Variants in CENPC observed in about 807,000 individuals in gnomAD.
CENPC encodes centromere protein C.
CENPC carries 63 observed loss-of-function variants against 112.1 expected under a neutral mutation model. The ratio of observed to expected loss-of-function variants is 0.56; its 90% CI spans 0.46 to 0.69. CENPC has a LOEUF of 0.69. Ranked by LOEUF, CENPC falls within the 30% of genes least tolerant of loss-of-function variation. The pLI is 0.00. For missense variants in CENPC, 1,000 were observed against 1,103.8 expected (o/e 0.91, Z 1.33); for synonymous variants, 333 against 367.6 (o/e 0.91, Z 1.08).
At chr4:67,544,539 T>TCTCC (rs1726974724) in intron 1 of CENPC, among the ~76,000 whole-genome samples, 3 of 152,182 alleles carry the variant, frequency 2.0e-5, no homozygotes, top group Non-Finnish European at 2.9e-5. Flanking sequence ...ATGTATAACG[T>TCTCC]CACATAATGG....
intron 5 of CENPC, among the ~76,000 whole-genome samples, chr4:67,521,686 T>C (rs574485343): frequency 3.9e-5 from 6 of 152,174 alleles, no homozygotes; most frequent in African/African-American, 1.2e-4. Context: ...CTAATATTCA[T>C]AGCAGCATTA....
chr4:67,478,629 A>AAC (rs200741539), intron 17 of CENPC, among the ~76,000 whole-genome samples: 23,975 of 81,710 alleles, frequency 0.29, 2,022 homozygotes, highest in Non-Finnish European at 0.37. Context: ...GGGTCTATAA[A>AAC]ACACACACAC....
chr4:67,505,340 G>T, intron 11 of CENPC, 56 bp from the exon 12 acceptor site: 9 of 1,020,730 alleles, frequency 8.8e-6, no homozygotes, highest in South Asian at 1.5e-5. Context: ...TATATCTAAT[G>T]TATTTGCCTT....
intron 15 of CENPC, 79 bp downstream of exon 15, chr4:67,492,790 T>A: frequency 5.7e-6 from 8 of 1,409,644 alleles, no homozygotes; most frequent in Non-Finnish European, 7.5e-6. Flanking sequence ...GTAAATTTCA[T>A]ATTTTGCAAA....
At chr4:67,523,027 A>G (rs2109815565) in intron 5 of CENPC, among the ~76,000 whole-genome samples, 1 of 152,122 alleles carries the variant, frequency 6.6e-6, no homozygotes, top group East Asian at 1.9e-4. Context: ...AAAGGAATGA[A>G]TCAGCTGGGC....
At chr4:67,492,110 A>G in intron 16 of CENPC, 70 bp downstream of exon 16, 1 of 1,056,288 alleles carries the variant, frequency 9.5e-7, no homozygotes, top group Non-Finnish European at 1.4e-6. Flanking sequence ...AGACAGGCCA[A>G]TCATCAAGCA....
intron 17 of CENPC, among the ~76,000 whole-genome samples, chr4:67,483,412 T>C (rs1725005682): frequency 6.6e-6 from 1 of 152,104 alleles, no homozygotes. Context: ...CAAAACCTAT[T>C]GAAGTAAAAA....
intron 11 of CENPC, 124 bp downstream of exon 11, chr4:67,506,663 AG>A (rs1159154307): frequency 2.6e-6 from 2 of 780,756 alleles, no homozygotes; most frequent in Non-Finnish European, 3.7e-6. Context: ...GCTGAGCCAT[AG>A]AAACTATGAA....
At chr4:67,504,573 G>A (rs1725683902) in intron 12 of CENPC, among the ~76,000 whole-genome samples, 1 of 152,160 alleles carries the variant, frequency 6.6e-6, no homozygotes, top group Non-Finnish European at 1.5e-5. Context: ...TGTAATCCCA[G>A]CACTTTGAGA....
At chr4:67,514,774 T>C in intron 7 of CENPC, 87 bp from the exon 8 acceptor site, 1 of 1,324,626 alleles carries the variant, frequency 7.5e-7, no homozygotes, top group African/African-American at 1.5e-5. Context: ...AAATAAAATC[T>C]AAATTTCTTT....
At chr4:67,491,965 G>A (rs1725295049) in intron 16 of CENPC, among the ~76,000 whole-genome samples, 1 of 152,130 alleles carries the variant, frequency 6.6e-6, no homozygotes. Flanking sequence ...CAGAGGACAA[G>A]TCCGGGGTGT....
At chr4:67,521,766 C>T (rs950380466) in intron 5 of CENPC, among the ~76,000 whole-genome samples, 5 of 152,166 alleles carry the variant, frequency 3.3e-5, no homozygotes, top group African/African-American at 1.2e-4. Context: ...AAGTGGTATA[C>T]ACATACAATG....
chr4:67,485,113 T>TA (rs1452710621), intron 17 of CENPC, among the ~76,000 whole-genome samples: 4 of 151,848 alleles, frequency 2.6e-5, no homozygotes, highest in African/African-American at 4.8e-5. Flanking sequence ...TCACCTACAC[T>TA]AAAAAAATAC....
intron 17 of CENPC, among the ~76,000 whole-genome samples, chr4:67,484,826 G>A (rs1725049671): frequency 6.6e-6 from 1 of 152,142 alleles, no homozygotes; most frequent in Non-Finnish European, 1.5e-5. Context: ...GGGCGCAGTG[G>A]CTCACGCCTG....
intron 4 of CENPC, among the ~76,000 whole-genome samples, chr4:67,537,797 CAGAT>C (rs1184305081): frequency 2.6e-5 from 4 of 151,794 alleles, no homozygotes; most frequent in African/African-American, 9.7e-5. Context: ...TGTCTCAAGA[CAGAT>C]AGATAGATAG....
chr4:67,507,496 T>G (rs796534100), intron 10 of CENPC, among the ~76,000 whole-genome samples: 13 of 152,250 alleles, frequency 8.5e-5, no homozygotes, highest in African/African-American at 3.1e-4. Flanking sequence ...AACAACTGTA[T>G]GCCAACAAAT....
chr4:67,496,460 C>G (rs724198), intron 12 of CENPC, among the ~76,000 whole-genome samples: 1,765 of 152,284 alleles, frequency 0.012, 12 homozygotes, highest in Middle Eastern at 0.051. Flanking sequence ...CCATGAACCA[C>G]CTAAAACTGC....
At chr4:67,528,196 A>C (rs1388560369) in intron 5 of CENPC, among the ~76,000 whole-genome samples, 2 of 152,210 alleles carry the variant, frequency 1.3e-5, no homozygotes, top group Non-Finnish European at 2.9e-5. Context: ...ATTTAAAAAA[A>C]TGTTCAGAAT....
intron 14 of CENPC, 46 bp from the exon 15 acceptor site, chr4:67,493,043 T>G (rs530106602): frequency 1.0e-5 from 15 of 1,435,200 alleles, no homozygotes; most frequent in Admixed American, 9.3e-5. Flanking sequence ...AAAGACAAAA[T>G]CTTGAAACAA....
Sources: allele counts gnomAD v4.1 joint callset (sites outside exome capture counted in the v4.1 genomes callset), GRCh38; gene constraint gnomAD v4.1.1; transcripts MANE v1.5; gene names NCBI Gene and HGNC (gene_info 2026-07-23, HGNC 2026-07-21).